STK32B: variants seen among roughly 807,000 people sequenced by gnomAD.
STK32B encodes the protein serine/threonine-protein kinase 32B.
Under a neutral mutation model 52.6 loss-of-function variants are expected in STK32B, and 43 were observed. The observed-to-expected ratio is 0.82, with a 90% CI of 0.64 to 1.05. The LOEUF (loss-of-function observed/expected upper bound fraction) is 1.05, where lower values mean the gene tolerates loss of function less well. Among genes scored for constraint, STK32B ranks in the 50% least tolerant of loss-of-function variants. The pLI is 0.00. For missense variants in STK32B, 621 were observed against 534.6 expected (o/e 1.16, Z -1.59); for synonymous variants, 238 against 204.3 (o/e 1.17, Z -1.41).
intron 1 of STK32B, among the ~76,000 whole-genome samples, chr4:5,123,041 C>G (rs1482686527): frequency 2.6e-5 from 4 of 152,098 alleles, no homozygotes; most frequent in Non-Finnish European, 4.4e-5. Context: ...TGCTGGGTCC[C>G]CTTCTTTATC....
chr4:5,044,761 G>A, the STK32B span, among the ~76,000 whole-genome samples: 1 of 152,014 alleles, frequency 6.6e-6, no homozygotes, highest in Non-Finnish European at 1.5e-5. Context: ...AAAATAAAAA[G>A]TCAGCCAGGT....
chr4:5,393,367 A>T (rs114082112), intron 4 of STK32B, among the ~76,000 whole-genome samples: 1 of 152,156 alleles, frequency 6.6e-6, no homozygotes, highest in Non-Finnish European at 1.5e-5. Flanking sequence ...TTATTATCCA[A>T]CTTATAAGTG....
Position 5,434,146 on chromosome 4 carries a change from C to A in STK32B, c.563-12527C>A, listed in dbSNP as rs370271558. 4.6e-4 allele frequency among the ~76,000 whole-genome samples: 70 copies of A among 152,212 alleles called. 2 individuals carry two copies. In the South Asian group the frequency reaches 0.013, roughly 28 times the overall value. ...GTCCGCCCAGTGTATTTTGGACTCA[C>A]AAGAATCCATAAAGCATGCACCATG... On this transcript the variant is annotated intron_variant, in intron 6 of 11. Transcript: ENST00000282908.
chr4:5,472,848 A>C (rs373020520), intron 11 of STK32B, among the ~76,000 whole-genome samples: 3 of 152,140 alleles, frequency 2.0e-5, no homozygotes, highest in Non-Finnish European at 2.9e-5. Context: ...CCTTTAATCT[A>C]GGGTTTCTCA....
chr4:5,278,854 CAG>C (rs1400717660), intron 3 of STK32B, among the ~76,000 whole-genome samples: 7 of 152,060 alleles, frequency 4.6e-5, no homozygotes, highest in Non-Finnish European at 8.8e-5. Flanking sequence ...GAGTAGGGAA[CAG>C]AGCAAATGGG....
chr4:5,116,901 T>C (rs546222159), intron 1 of STK32B, among the ~76,000 whole-genome samples: 2 of 152,238 alleles, frequency 1.3e-5, no homozygotes, highest in Admixed American at 1.3e-4. Flanking sequence ...TTATTTTTGA[T>C]GCTATTGTAA....
At chr4:5,253,010 G>C (rs1028897043) in intron 3 of STK32B, among the ~76,000 whole-genome samples, 2 of 151,884 alleles carry the variant, frequency 1.3e-5, no homozygotes, top group Non-Finnish European at 2.9e-5. Flanking sequence ...TCTTCCTAAG[G>C]GCTTGTGCTT....
At chr4:5,064,754 A>G (rs1742348887) in intron 1 of STK32B, among the ~76,000 whole-genome samples, 1 of 109,536 alleles carries the variant, frequency 9.1e-6, no homozygotes, top group Non-Finnish European at 1.8e-5. Flanking sequence ...CATATATAAT[A>G]TATAAATATA....
chr4:5,117,111 T>C (rs1339793919), intron 1 of STK32B, among the ~76,000 whole-genome samples: 1 of 152,228 alleles, frequency 6.6e-6, no homozygotes, highest in South Asian at 2.1e-4. Context: ...CATAACTTCC[T>C]TTCCAATTTG....
chr4:5,160,299 C>A (rs1278530784), intron 2 of STK32B, among the ~76,000 whole-genome samples: 2 of 152,194 alleles, frequency 1.3e-5, no homozygotes, highest in African/African-American at 4.8e-5. Flanking sequence ...TCAGTGCTTA[C>A]CATGGAGCCT....
intron 4 of STK32B, among the ~76,000 whole-genome samples, chr4:5,336,657 C>G (rs907412585): frequency 3.9e-5 from 6 of 152,034 alleles, no homozygotes; most frequent in African/African-American, 1.4e-4. Flanking sequence ...AAGATAAAGT[C>G]TTTATACTTT....
chr4:5,447,755 C>T (rs145027229), intron 7 of STK32B, among the ~76,000 whole-genome samples: 22 of 152,292 alleles, frequency 1.4e-4, no homozygotes, highest in East Asian at 3.9e-4. Context: ...ATTGTTATAA[C>T]GGGGATAATA....
At chr4:5,237,119 G>T (rs1724690562) in intron 3 of STK32B, among the ~76,000 whole-genome samples, 1 of 152,120 alleles carries the variant, frequency 6.6e-6, no homozygotes, top group South Asian at 2.1e-4. Context: ...CCAGGTGGGA[G>T]GCTGAAATCC....
At chr4:5,484,265 G>A (rs1464963294) in intron 11 of STK32B, among the ~76,000 whole-genome samples, 3 of 152,068 alleles carry the variant, frequency 2.0e-5, no homozygotes, top group Admixed American at 6.5e-5. Flanking sequence ...TATGAATCTG[G>A]GTACTCCTGT....
intron 6 of STK32B, among the ~76,000 whole-genome samples, chr4:5,445,981 G>C (rs991071380): frequency 6.6e-6 from 1 of 152,088 alleles, no homozygotes; most frequent in Non-Finnish European, 1.5e-5. Context: ...CATTTCTCAA[G>C]GTTCTCAACC....
chr4:5,376,741 C>A (rs1018599375), intron 4 of STK32B, among the ~76,000 whole-genome samples: 2 of 152,132 alleles, frequency 1.3e-5, no homozygotes, highest in African/African-American at 4.8e-5. Context: ...CTCCACCCCG[C>A]ACTCTCCAAT....
At chr4:5,057,558 G>A (rs1388998583) in intron 1 of STK32B, among the ~76,000 whole-genome samples, 1 of 152,102 alleles carries the variant, frequency 6.6e-6, no homozygotes, top group Non-Finnish European at 1.5e-5. Flanking sequence ...GATCGTAAAG[G>A]GGCCTAGAGC....
intron 9 of STK32B, among the ~76,000 whole-genome samples, chr4:5,463,920 A>G (rs1717229662): frequency 6.6e-6 from 1 of 152,216 alleles, no homozygotes; most frequent in Non-Finnish European, 1.5e-5. Context: ...CATTGCTATA[A>G]AGGAATAACT....
chr4:5,311,915 T>TATATATATATATATATATA (rs1228362253), intron 3 of STK32B, among the ~76,000 whole-genome samples: 14 of 135,496 alleles, frequency 1.0e-4, no homozygotes, highest in South Asian at 4.4e-4. Flanking sequence ...TATATATATA[T>TATATATATATATATATATA]TTTTTTTTAA....
Sources: gnomAD v4.1 joint callset for allele counts (sites outside exome capture counted in the v4.1 genomes callset) on GRCh38, gnomAD v4.1.1 for gene constraint, MANE v1.5 for transcripts, NCBI Gene and HGNC (gene_info 2026-07-23, HGNC 2026-07-21) for gene names.